USP12: variants seen among roughly 807,000 people sequenced by gnomAD.
USP12 encodes ubiquitin carboxyl-terminal hydrolase 12.
Under a neutral mutation model 45.5 loss-of-function variants are expected in USP12, and 19 were observed. The ratio of observed to expected loss-of-function variants is 0.42; its 90% CI spans 0.29 to 0.61. The LOEUF (loss-of-function observed/expected upper bound fraction) is 0.61, where lower values mean the gene tolerates loss of function less well. USP12 is among the 20% of genes least tolerant of loss of function. The pLI is 0.22. For synonymous variants in USP12, 149 were observed against 148.8 expected, an observed-to-expected ratio of 1.00 and a Z score of -0.01; for missense variants, 242 against 447.7, an observed-to-expected ratio of 0.54 and a Z score of 4.15.
intron 1 of USP12, among the ~76,000 whole-genome samples, chr13:27,155,085 TTTTTTTTTTTTTTTG>T (rs1877762717): frequency 7.6e-6 from 1 of 130,958 alleles, no homozygotes; most frequent in Non-Finnish European, 1.6e-5. Context: ...TTTTTTTTTT[TTTTTTTTTTTTTTTG>T]AGACGGAACC....
chr13:27,086,181 A>ATAT (rs1565984501), intron 6 of USP12, among the ~76,000 whole-genome samples: 30 of 29,446 alleles, frequency 1.0e-3, no homozygotes, highest in South Asian at 1.8e-3. Context: ...CTTTAAAAAA[A>ATAT]AAAAAAAAAA....
intron 4 of USP12, among the ~76,000 whole-genome samples, chr13:27,094,874 A>G (rs1356834530): frequency 1.3e-5 from 2 of 152,206 alleles, no homozygotes; most frequent in Non-Finnish European, 2.9e-5. Context: ...CTGGCCGGGC[A>G]TAATGGCTCA....
At chr13:27,156,330 G>C (rs74881590) in intron 1 of USP12, among the ~76,000 whole-genome samples, 2 of 152,148 alleles carry the variant, frequency 1.3e-5, no homozygotes, top group East Asian at 3.9e-4. Flanking sequence ...GATGCAATCA[G>C]CAAAGTACAG....
intron 1 of USP12, among the ~76,000 whole-genome samples, chr13:27,139,380 C>T (rs868765261): frequency 3.3e-5 from 5 of 152,172 alleles, no homozygotes; most frequent in African/African-American, 9.7e-5. Flanking sequence ...CTTTGGAAGG[C>T]GGAGGCGGGA....
In USP12 at chr13:27,152,959, A is replaced by AG. The variant is rs1471846032; in HGVS notation, c.48+18632dup. 2.9e-4 allele frequency among the ~76,000 whole-genome samples: 41 copies of AG among 141,020 alleles called. 1 individual carries two copies. Among genetic ancestry groups the AG allele is most frequent in the East Asian group, 1.7e-3 (8 of 4,814 alleles). 92.5% of individuals were successfully genotyped at this position (141,020 alleles called of 152,430 possible). On this transcript the variant is annotated intron_variant, in intron 1 of 8. Coordinates refer to ENST00000282344, the MANE Select transcript of USP12 (RefSeq NM_182488.4). ...TCCGTCTCAAAAAAAAAAAAAAAAA[A>AG]GAAAGAAAGAAAAGAAAATAGAATA...
At chr13:27,114,768 TTA>T (rs1491330403) in intron 2 of USP12, among the ~76,000 whole-genome samples, 2 of 127,836 alleles carry the variant, frequency 1.6e-5, no homozygotes, top group Non-Finnish European at 3.4e-5. Flanking sequence ...CTCTCCATTT[TTA>T]AAAAAAAAAA....
chr13:27,168,329 C>T (rs1485660667), intron 1 of USP12, among the ~76,000 whole-genome samples: 1 of 152,188 alleles, frequency 6.6e-6, no homozygotes, highest in Non-Finnish European at 1.5e-5. Context: ...CAGGAAGAGA[C>T]AATAATGATC....
chr13:27,111,617 C>T (rs769939604), intron 2 of USP12, among the ~76,000 whole-genome samples: 2 of 152,164 alleles, frequency 1.3e-5, no homozygotes, highest in Admixed American at 6.5e-5. Flanking sequence ...AAACATCCCA[C>T]CGCAAGTATT....
chr13:27,094,978 G>A (rs1232197935), intron 4 of USP12, among the ~76,000 whole-genome samples: 3 of 151,956 alleles, frequency 2.0e-5, no homozygotes, highest in Non-Finnish European at 2.9e-5. Flanking sequence ...TAAGACCCCT[G>A]TCTCTACAAA....
chr13:27,093,158 C>A (rs904174764), intron 4 of USP12, among the ~76,000 whole-genome samples: 8 of 151,558 alleles, frequency 5.3e-5, no homozygotes, highest in African/African-American at 1.9e-4. Flanking sequence ...GCGCTCCAGC[C>A]TGGGCAACGA....
chr13:27,105,951 C>G lies in USP12; in HGVS notation c.130-7G>C. ...AGTAGCAGGTATTCCCAAACTGCAA[C>G]AGAAAAAAAAAAGTTTTGTTAAATT... is the stretch of plus-strand genomic sequence containing the variant. On this transcript the variant is annotated splice_polypyrimidine_tract_variant and splice_region_variant and intron_variant, in intron 2 of 8. Transcript: ENST00000282344. 1.1e-5 allele frequency: 17 copies of G among 1,583,256 alleles called. No homozygotes were observed. Among genetic ancestry groups the G allele is most frequent in the Non-Finnish European group, 1.5e-5 (17 of 1,169,908 alleles).
intron 2 of USP12, among the ~76,000 whole-genome samples, chr13:27,110,417 T>C (rs1359445798): frequency 1.3e-5 from 2 of 152,240 alleles, no homozygotes; most frequent in East Asian, 3.8e-4. Context: ...CCTAATTGTC[T>C]GAATATGTTT....
chr13:27,098,379 T>C (rs1458844907), intron 3 of USP12, among the ~76,000 whole-genome samples: 1 of 150,624 alleles, frequency 6.6e-6, no homozygotes, highest in Non-Finnish European at 1.5e-5. Flanking sequence ...AAAAAAACCC[T>C]TTACAAAACA....
At chr13:27,149,481 A>G (rs1302653995) in intron 1 of USP12, among the ~76,000 whole-genome samples, 1 of 152,202 alleles carries the variant, frequency 6.6e-6, no homozygotes, top group Non-Finnish European at 1.5e-5. Flanking sequence ...AGAAAACCCT[A>G]AAGAATCCAC....
At chr13:27,092,094 C>T (rs372774156) in intron 4 of USP12, among the ~76,000 whole-genome samples, 2 of 152,334 alleles carry the variant, frequency 1.3e-5, no homozygotes, top group East Asian at 1.9e-4. Context: ...CTTCTACCAT[C>T]TTCTACCTGG....
intron 2 of USP12, among the ~76,000 whole-genome samples, chr13:27,106,987 T>C (rs1431438754): frequency 6.6e-6 from 1 of 152,168 alleles, no homozygotes; most frequent in Non-Finnish European, 1.5e-5. Flanking sequence ...ACATGCCTAA[T>C]GAGATATAGT....
chr13:27,105,679 A>T, intron 3 of USP12, 52 bp downstream of exon 3: 1 of 1,532,186 alleles, frequency 6.5e-7, no homozygotes, highest in South Asian at 1.2e-5. Context: ...ATTATGGCAC[A>T]CTATATTTAA....
chr13:27,098,903 A>G (rs1166841037), intron 3 of USP12, among the ~76,000 whole-genome samples: 2 of 152,190 alleles, frequency 1.3e-5, no homozygotes, highest in African/African-American at 4.8e-5. Flanking sequence ...AGAAAGTGAA[A>G]CAAGGATGCT....
chr13:27,071,160 C>T lies in USP12; in HGVS notation c.933-11G>A, dbSNP rs368307191. 65 of 1,582,560 alleles carry T rather than the reference C, an allele frequency of 4.1e-5. No individual in the cohort carries two copies. The highest frequency in any genetic ancestry group is 4.8e-5 in the Non-Finnish European group (56 of 1,168,002). On this transcript the variant is annotated splice_polypyrimidine_tract_variant and intron_variant, in intron 7 of 8. Transcript: ENST00000282344. ...CCTCGATTGGGACCACTAAAACAAA[C>T]GAAGAAGAAGTTAATTCAATATATT...
Sources: allele counts gnomAD v4.1 joint callset (sites outside exome capture counted in the v4.1 genomes callset), GRCh38; gene constraint gnomAD v4.1.1; transcripts MANE v1.5; gene names NCBI Gene and HGNC (gene_info 2026-07-23, HGNC 2026-07-21).